SLC34A2: variants seen among roughly 807,000 people sequenced by gnomAD.
SLC34A2 encodes sodium-dependent phosphate transport protein 2B.
Under a neutral mutation model 50.8 loss-of-function variants are expected in SLC34A2, and 41 were observed. The ratio of observed to expected loss-of-function variants is 0.81; its 90% CI spans 0.63 to 1.05. SLC34A2 has a LOEUF of 1.05. Ranked by LOEUF, SLC34A2 falls within the 50% of genes least tolerant of loss-of-function variation. The probability of loss-of-function intolerance (pLI) is 0.00; values close to 1 mark genes in which losing one functional copy is unlikely to be tolerated. For missense variants in SLC34A2, 879 were observed against 876.7 expected (o/e 1.00, Z -0.03); for synonymous variants, 401 against 364.2 (o/e 1.10, Z -1.15).
rs763143021 is a variant in SLC34A2, at chr4:25,670,692, C to T, written c.832-46C>T. The T allele has an allele frequency of 2.5e-5, 37 of 1,471,608 alleles. No individual in the cohort carries two copies. The East Asian group carries it at 3.5e-4, about 14-fold the overall frequency. 91.2% of individuals were successfully genotyped at this position (1,471,608 alleles called of 1,614,324 possible). On this transcript the variant is annotated intron_variant, in intron 7 of 12. Transcript: ENST00000382051. ...AACCCCCTGGGTTTGTGTCCTAAAT[C>T]GGTTCTGAGGATATGCTGATGGTTT... is the stretch of plus-strand genomic sequence containing the variant.
intron 7 of SLC34A2, 73 bp downstream of exon 7, chr4:25,669,915 T>C (rs1334511697): frequency 2.3e-6 from 3 of 1,307,902 alleles, no homozygotes; most frequent in African/African-American, 1.5e-5. Flanking sequence ...AGCTGACAGA[T>C]ATAGAGTGTC....
At position 25,669,737 on chromosome 4, in the gene SLC34A2, G is replaced by C; in HGVS notation, c.726G>C (p.Glu242Asp). Residue 242 changes from glutamate to aspartate, a missense_variant, in exon 7 of 13, where the codon GAG becomes GAC. Glu to Asp is a conservative substitution (Grantham distance 45). Coordinates refer to ENST00000382051, the MANE Select transcript of SLC34A2 (RefSeq NM_006424.3). ...LPVEVATHYL[E>D]IITQLIVESF... is the part of the protein sequence containing the mutation. Reference sequence around the variant, plus strand: ...TGGAGGTGGCCACCCATTACCTCGAGATCATAACCCAGCTTATAGTGGAGA... The same window carrying C: ...TGGAGGTGGCCACCCATTACCTCGACATCATAACCCAGCTTATAGTGGAGA... 1 of 1,614,178 alleles carries C rather than the reference G, an allele frequency of 6.2e-7. No homozygotes were observed. Among genetic ancestry groups the C allele is most frequent in the Non-Finnish European group, 8.5e-7 (1 of 1,180,024 alleles).
chr4:25,672,363 C>T (rs538464512), intron 9 of SLC34A2, among the ~76,000 whole-genome samples: 1 of 152,272 alleles, frequency 6.6e-6, no homozygotes, highest in South Asian at 2.1e-4. Flanking sequence ...TCAATTAGTC[C>T]CTACTGTACA....
rs192878299 is a variant in SLC34A2 at position 25,676,926 on chromosome 4, A to G, written c.*177A>G. The G allele has an allele frequency of 3.9e-6, 3 of 762,398 alleles. No individual in the cohort carries two copies. The African/African-American group carries it at 5.2e-5, about 13-fold the overall frequency. The allele number at this position is 762,398 out of a possible 1,614,324, so 47.2% of individuals were successfully genotyped here. ...TGGCTTGGTGGTAGGCCTGCAGGGC[A>G]CTTTTATTCCAACCCCTGGTCACTC... On this transcript the variant is annotated 3_prime_UTR_variant, in exon 13 of 13. Coordinates refer to ENST00000382051, the MANE Select transcript of SLC34A2 (RefSeq NM_006424.3).
rs968466820 is a variant in SLC34A2 at position 25,666,210 on chromosome 4, C to T, written c.462C>T (p.Thr154=). The T allele has an allele frequency of 1.9e-6, 3 of 1,614,030 alleles. No homozygotes were observed. Among genetic ancestry groups the T allele is most frequent in the Admixed American group, 1.7e-5 (1 of 60,002 alleles). The change falls in exon 5 of 13, where the codon ACC becomes ACT. Residue 154 remains threonine (T), a synonymous_variant. Coordinates refer to ENST00000382051, the MANE Select transcript of SLC34A2 (RefSeq NM_006424.3). ...GGCTGGTGATCGGGGTGCTGGTGAC[C>T]GTCTTGGTGCAGAGCTCCAGCACCT... ...LLGLVIGVLV[T]VLVQSSSTST...
chr4:25,658,064 G>C (rs1482725878), intron 1 of SLC34A2, among the ~76,000 whole-genome samples: 2 of 152,148 alleles, frequency 1.3e-5, no homozygotes, highest in Non-Finnish European at 2.9e-5. Flanking sequence ...TCTCTGCAGT[G>C]TTGTGGTGCC....
At chr4:25,673,700 A>C (rs1714946403) in intron 10 of SLC34A2, among the ~76,000 whole-genome samples, 1 of 152,150 alleles carries the variant, frequency 6.6e-6, no homozygotes, top group South Asian at 2.1e-4. Flanking sequence ...ATTTCCTGCC[A>C]AGTAGGGTGT....
intron 6 of SLC34A2, among the ~76,000 whole-genome samples, chr4:25,668,961 GT>G (rs1469683942): frequency 1.4e-5 from 2 of 147,362 alleles, no homozygotes. Flanking sequence ...CCAGAACAGA[GT>G]TTTTTAAATC....
rs752882870 is a variant in SLC34A2, at chr4:25,676,182, G to A, written c.1506G>A (p.Trp502Ter). Residue 502 changes from tryptophan to a stop codon, truncating the protein, a stop_gained, in exon 13 of 13, where the codon TGG becomes TGA. Transcript: ENST00000382051. LOFTEE classifies it low-confidence loss of function (END_TRUNC). ...TCAACATCTCCGGCATCTTGCTGTG[G>A]TACCCGATCCCGTTCACTCGCCTGC... ...FFFNISGILLWYPIPFTRLPI... is the reference protein window; with the variant it reads ...FFFNISGILL The A allele has an allele frequency of 6.2e-7, 1 of 1,614,146 alleles. No individual in the cohort carries two copies. Among genetic ancestry groups the A allele is most frequent in the Non-Finnish European group, 8.5e-7 (1 of 1,180,030 alleles).
chr4:25,664,140 G>T, intron 3 of SLC34A2, 62 bp from the exon 4 acceptor site: 1 of 1,575,440 alleles, frequency 6.3e-7, no homozygotes, highest in Non-Finnish European at 8.7e-7. Context: ...AAACTTCTCA[G>T]GGTTTCCAAC....
At chr4:25,670,684 T>A (rs891203611) in intron 7 of SLC34A2, 54 bp from the exon 8 acceptor site, 5 of 1,411,228 alleles carry the variant, frequency 3.5e-6, no homozygotes, top group Non-Finnish European at 5.0e-6. Flanking sequence ...TGGGTTTGTG[T>A]CCTAAATCGG....
intron 1 of SLC34A2, among the ~76,000 whole-genome samples, chr4:25,658,513 C>T (rs2109044914): frequency 6.6e-6 from 1 of 152,258 alleles, no homozygotes; most frequent in Non-Finnish European, 1.5e-5. Context: ...GCCAGGTACC[C>T]TACATTCCCC....
chr4:25,664,077 G>T (rs757981585), intron 3 of SLC34A2, 125 bp from the exon 4 acceptor site: 10 of 923,692 alleles, frequency 1.1e-5, no homozygotes. Context: ...AGAACTTAAC[G>T]GCTGCCAGGC....
chr4:25,674,330 C>T lies in SLC34A2; in HGVS notation c.1251C>T (p.Tyr417=), dbSNP rs757181024. 14 of 1,614,174 alleles carry T rather than the reference C, an allele frequency of 8.7e-6. No homozygotes were observed. The highest frequency in any genetic ancestry group is 1.1e-5 in the Non-Finnish European group (13 of 1,180,036). The stretch of plus-strand genomic sequence containing the variant: ...TTCCCTTTGCATGGTTGACTGGCTA[C>T]CTGGCCATCCTCGTCGGGGCAGGCA... The part of the protein sequence containing the change: ...FPFPFAWLTG[Y]LAILVGAGMT... Residue 417 remains tyrosine, a synonymous_variant, in exon 11 of 13, where the codon TAC becomes TAT. Transcript: ENST00000382051.
At chr4:25,666,617 T>C (rs1714515806) in intron 5 of SLC34A2, among the ~76,000 whole-genome samples, 1 of 152,226 alleles carries the variant, frequency 6.6e-6, no homozygotes, top group Non-Finnish European at 1.5e-5. Context: ...TCCTCAGTTG[T>C]ACTAGTTACA....
At chr4:25,665,338 T>G (rs1269416526) in intron 4 of SLC34A2, among the ~76,000 whole-genome samples, 1 of 152,024 alleles carries the variant, frequency 6.6e-6, no homozygotes, top group Admixed American at 6.6e-5. Flanking sequence ...GGCTAATTTT[T>G]GTATTTTTAG....
Position 25,674,283 on chromosome 4 carries a change from T to C in SLC34A2, c.1217-13T>C, listed in dbSNP as rs1714982970. 1 of 1,609,744 alleles carries C rather than the reference T, an allele frequency of 6.2e-7. No individual in the cohort carries two copies. Among genetic ancestry groups the C allele is most frequent in the East Asian group, 2.2e-5 (1 of 44,850 alleles). ...CCGGAGAGGCCATGACATCTCTTCC[T>C]TCTGTCTTCCAGATTTCCCCTTTCC... On this transcript the variant is annotated splice_polypyrimidine_tract_variant and intron_variant, in intron 10 of 12. Transcript: ENST00000382051.
At chr4:25,665,906 A>C (rs544365948) in intron 4 of SLC34A2, among the ~76,000 whole-genome samples, 65 of 152,280 alleles carry the variant, frequency 4.3e-4, no homozygotes, top group Non-Finnish European at 7.8e-4. Flanking sequence ...AGACAGAGAC[A>C]GGAGGCACGT....
intron 1 of SLC34A2, among the ~76,000 whole-genome samples, chr4:25,658,554 G>C (rs185890724): frequency 1.3e-5 from 2 of 152,218 alleles, no homozygotes; most frequent in African/African-American, 4.8e-5. Flanking sequence ...AGTCAAGAAA[G>C]TTCCTCTCCT....
Sources: allele counts gnomAD v4.1 joint callset (sites outside exome capture counted in the v4.1 genomes callset), GRCh38; gene constraint gnomAD v4.1.1; transcripts MANE v1.5; gene names NCBI Gene and HGNC (gene_info 2026-07-23, HGNC 2026-07-21).